PPP2R5D: variants seen among roughly 807,000 people sequenced by gnomAD.
PPP2R5D encodes protein phosphatase 2 regulatory subunit B'delta.
A neutral mutation model predicts 79.1 loss-of-function variants in PPP2R5D; 12 were observed. That is an observed-to-expected ratio of 0.15 (90% CI 0.10 to 0.25). The LOEUF is 0.25. Among genes scored for constraint, PPP2R5D ranks in the 10% least tolerant of loss-of-function variants. The probability of loss-of-function intolerance (pLI) is 1.00; values close to 1 mark genes in which losing one functional copy is unlikely to be tolerated. For missense variants in PPP2R5D, 419 were observed against 760.2 expected (o/e 0.55, Z 5.28); for synonymous variants, 277 against 286.6 (o/e 0.97, Z 0.34).
rs1204353359 is a variant in PPP2R5D, at chr6:43,011,679, A to C, written c.*393A>C. 2 of 220,734 alleles carry C rather than the reference A, an allele frequency of 9.1e-6. No homozygotes were observed. Among genetic ancestry groups the C allele is most frequent in the East Asian group, 2.4e-4 (2 of 8,260 alleles). The allele number at this position is 220,734 out of a possible 1,614,324, so 13.7% of individuals were successfully genotyped here. On this transcript the variant is annotated 3_prime_UTR_variant, in exon 16 of 16. Coordinates refer to ENST00000485511, the MANE Select transcript of PPP2R5D (RefSeq NM_006245.4). ...ATCTCCCCTCCTCTCTCTCCCCTGC[A>C]GAGGCATGTAGGGAACAGCAGGAGA...
intron 2 of PPP2R5D, among the ~76,000 whole-genome samples, chr6:43,002,109 C>CAGTCTGG (rs1486392147): frequency 1.3e-5 from 2 of 151,710 alleles, no homozygotes; most frequent in African/African-American, 4.8e-5. Flanking sequence ...CCCAGGCAGG[C>CAGTCTGG]AGTCTGGCCC....
chr6:43,011,883 G>A lies in PPP2R5D; in HGVS notation c.*597G>A, dbSNP rs1762366898. On this transcript the variant is annotated 3_prime_UTR_variant, in exon 16 of 16. Transcript: ENST00000485511. The stretch of plus-strand genomic sequence containing the variant: ...GGTCAAAAGGAGAAAAGTATAGGCT[G>A]TGGACAATAACTGATGAATATAGGG... 6.3e-6 allele frequency: 1 copy of A among 157,770 alleles called. No homozygotes were observed. The highest frequency in any genetic ancestry group is 2.4e-5 in the African/African-American group (1 of 41,496). The allele number at this position is 157,770 out of a possible 1,614,324, so 9.8% of individuals were successfully genotyped here. A position where few individuals can be genotyped will look rare whatever the true frequency, so the allele number is the denominator to read the frequency against.
In PPP2R5D at chr6:43,008,442, C is replaced by T; in HGVS notation, c.993C>T (p.His331=). ...TCATCCGTGTCCTACTTCCCCTTCA[C>T]AAGGTCAAGTCCCTGAGTGTCTACC... ...MFLIRVLLPL[H]KVKSLSVYHP... The change falls in exon 9 of 16, where the codon CAC becomes CAT. Residue 331 remains histidine (H), a synonymous_variant. Transcript: ENST00000485511. The surrounding 1 kb of genome is among the most constrained non-coding windows in gnomAD (Gnocchi z 4.2). 6.2e-6 allele frequency: 10 copies of T among 1,613,898 alleles called. No individual in the cohort carries two copies. The highest frequency in any genetic ancestry group is 8.5e-6 in the Non-Finnish European group (10 of 1,179,768).
At position 43,006,863 on chromosome 6, in the gene PPP2R5D, C is replaced by G; in HGVS notation, c.323-48C>G. The G allele has an allele frequency of 6.2e-7, 1 of 1,603,794 alleles. No homozygotes were observed. ...AAGCCCTTGAAGGCAAGCAGGGCAT[C>G]GCAGTGAAGGACTACAGAGGAGAAC... On this transcript the variant is annotated intron_variant, in intron 3 of 15. Transcript: ENST00000485511. The surrounding 1 kb of genome is among the most constrained non-coding windows in gnomAD (Gnocchi z 4.7).
chr6:42,996,065 C>G, intron 2 of PPP2R5D, among the ~76,000 whole-genome samples: 1 of 140,072 alleles, frequency 7.1e-6, no homozygotes, highest in Non-Finnish European at 1.5e-5. Context: ...AGGATGGTCT[C>G]GATCACTTGA....
chr6:42,989,286 A>G (rs1296235028), intron 1 of PPP2R5D, among the ~76,000 whole-genome samples: 1 of 152,044 alleles, frequency 6.6e-6, no homozygotes, highest in Non-Finnish European at 1.5e-5. Flanking sequence ...CTTTTTCTTT[A>G]AGCCTCCTCA....
At position 43,010,464 on chromosome 6, in the gene PPP2R5D, G is replaced by A; in HGVS notation, c.1380-4G>A. On this transcript the variant is annotated splice_polypyrimidine_tract_variant and splice_region_variant and intron_variant, in intron 12 of 15. Coordinates refer to ENST00000485511, the MANE Select transcript of PPP2R5D (RefSeq NM_006245.4). The surrounding 1 kb of genome is among the most constrained non-coding windows in gnomAD (Gnocchi z 4.7). ...CTACACCTCATCTTTCTTCTTGGTG[G>A]CAGGACAATCCATGGACTGATCTAT... 6.2e-7 allele frequency: 1 copy of A among 1,613,756 alleles called. No individual in the cohort carries two copies. The highest frequency in any genetic ancestry group is 8.5e-7 in the Non-Finnish European group (1 of 1,179,708).
At position 43,011,010 on chromosome 6, in the gene PPP2R5D, T is replaced by C. The variant is rs1406029827; in HGVS notation, c.1671+13T>C. ...TGAGGCTGTTCAGGTGGGAGGGCAA[T>C]GTAGGGGGATGGAGCAGAAATAATA... is the stretch of plus-strand genomic sequence containing the variant. On this transcript the variant is annotated intron_variant, in intron 15 of 15. Transcript: ENST00000485511. 3.1e-6 allele frequency: 5 copies of C among 1,610,718 alleles called. No homozygotes were observed. The highest frequency in any genetic ancestry group is 1.1e-5 in the South Asian group (1 of 91,012).
At chr6:42,986,177 C>G (rs1371164531) in intron 1 of PPP2R5D, among the ~76,000 whole-genome samples, 1 of 152,132 alleles carries the variant, frequency 6.6e-6, no homozygotes, top group Non-Finnish European at 1.5e-5. Context: ...CCTCTGTTTC[C>G]TGCTGTTGCT....
chr6:43,009,269 T>C lies in PPP2R5D; in HGVS notation c.1251+42T>C. ...GCATATCCTAGCCCCTGCCAGAAAC[T>C]GAGGTCTTGAGTGAAATGAGCAGCA... On this transcript the variant is annotated intron_variant, in intron 11 of 15. Coordinates refer to ENST00000485511, the MANE Select transcript of PPP2R5D (RefSeq NM_006245.4). This position sits in a 1 kb window ranked among gnomAD's most constrained non-coding sequence, Gnocchi z 5.6. The C allele has an allele frequency of 6.2e-7, 1 of 1,613,838 alleles. No individual in the cohort carries two copies. The highest frequency in any genetic ancestry group is 1.1e-5 in the South Asian group (1 of 91,066).
intron 1 of PPP2R5D, among the ~76,000 whole-genome samples, chr6:42,986,353 G>T (rs1470389495): frequency 6.6e-6 from 1 of 152,086 alleles, no homozygotes; most frequent in Non-Finnish European, 1.5e-5. Context: ...GACCCCAGAG[G>T]TATATTGCTT....
At chr6:43,000,349 C>T (rs1422161807) in intron 2 of PPP2R5D, among the ~76,000 whole-genome samples, 3 of 149,636 alleles carry the variant, frequency 2.0e-5, no homozygotes, top group Non-Finnish European at 3.0e-5. Flanking sequence ...GCAATTCTCC[C>T]ATCTCAGCCT....
chr6:43,010,756 G>A lies in PPP2R5D; in HGVS notation c.1554+20G>A, dbSNP rs376586494. 4.3e-6 allele frequency: 7 copies of A among 1,613,436 alleles called. No homozygotes were observed. The highest frequency in any genetic ancestry group is 3.3e-4 in the Middle Eastern group (2 of 6,084). ...CCCCAGGTGAGGTTTTCCTGCCACT[G>A]TTGTGAACTGAGGGGCCAGCCCATC... On this transcript the variant is annotated intron_variant, in intron 14 of 15. Coordinates refer to ENST00000485511, the MANE Select transcript of PPP2R5D (RefSeq NM_006245.4). The surrounding 1 kb of genome is among the most constrained non-coding windows in gnomAD (Gnocchi z 4.7).
chr6:42,989,550 C>T (rs1193803808), intron 1 of PPP2R5D, 61 bp from the exon 2 acceptor site: 2 of 1,350,088 alleles, frequency 1.5e-6, no homozygotes, highest in Non-Finnish European at 2.1e-6. Flanking sequence ...CTAAGGGAGC[C>T]AGATAAGACC....
Position 43,011,418 on chromosome 6 carries a change from G to A in PPP2R5D, c.*132G>A. On this transcript the variant is annotated 3_prime_UTR_variant, in exon 16 of 16. Transcript: ENST00000485511. ...CTCTAGCTACTCAAGGGAGGGGGATGTGGGCACTTGAAGCAGGGACACCCA... is the reference window on the plus strand; with the variant it reads ...CTCTAGCTACTCAAGGGAGGGGGATATGGGCACTTGAAGCAGGGACACCCA... The A allele has an allele frequency of 1.6e-6, 2 of 1,260,948 alleles. No homozygotes were observed. The highest frequency in any genetic ancestry group is 1.1e-6 in the Non-Finnish European group (1 of 922,404). 78.1% of individuals were successfully genotyped at this position (1,260,948 alleles called of 1,614,324 possible).
chr6:43,008,125 C>CAGGG lies in PPP2R5D; in HGVS notation c.857+64_857+67dup. On this transcript the variant is annotated intron_variant, in intron 7 of 15. Coordinates refer to ENST00000485511, the MANE Select transcript of PPP2R5D (RefSeq NM_006245.4). This position sits in a 1 kb window ranked among gnomAD's most constrained non-coding sequence, Gnocchi z 4.2. ...TTCTGCTACTGAGGTGGGGTGGGAG[C>CAGGG]AGGGAGGTGGGGGGACTGTACAGAA... 1 of 1,613,596 alleles carries CAGGG rather than the reference C, an allele frequency of 6.2e-7. No homozygotes were observed. Among genetic ancestry groups the CAGGG allele is most frequent in the Admixed American group, 1.7e-5 (1 of 59,988 alleles).
intron 2 of PPP2R5D, among the ~76,000 whole-genome samples, chr6:43,003,984 T>C (rs1425862415): frequency 1.3e-4 from 19 of 148,896 alleles, no homozygotes; most frequent in East Asian, 4.0e-4. Flanking sequence ...TCCCAAAGTG[T>C]TGGGATTACA....
chr6:43,006,566 G>A lies in PPP2R5D; in HGVS notation c.209G>A (p.Ser70Asn). 6.2e-7 allele frequency: 1 copy of A among 1,614,110 alleles called. No homozygotes were observed. The highest frequency in any genetic ancestry group is 8.5e-7 in the Non-Finnish European group (1 of 1,180,028). The change falls in exon 3 of 16, where the codon AGC becomes AAC. Residue 70 changes from serine (S) to asparagine (N), a missense_variant. Ser to Asn is a conservative substitution (Grantham distance 46, BLOSUM62 1). Transcript: ENST00000485511. The surrounding 1 kb of genome is among the most constrained non-coding windows in gnomAD (Gnocchi z 4.7). Reference sequence around the variant, plus strand: ...AGCACGCCGCCCCCCACGCAGCTCAGCAAAATCAAGTACTCAGGGGGGCCC... The same window carrying A: ...AGCACGCCGCCCCCCACGCAGCTCAACAAAATCAAGTACTCAGGGGGGCCC... Reference protein sequence around the residue: ...SNSTPPPTQLSKIKYSGGPQI... With the variant: ...SNSTPPPTQLNKIKYSGGPQI...
At chr6:42,997,540 G>A (rs1050525770) in intron 2 of PPP2R5D, among the ~76,000 whole-genome samples, 2 of 149,806 alleles carry the variant, frequency 1.3e-5, no homozygotes, top group East Asian at 2.0e-4. Flanking sequence ...ATGGAGTTTC[G>A]CTCTTGTTGC....
Sources: gnomAD v4.1 joint callset for allele counts (sites outside exome capture counted in the v4.1 genomes callset) on GRCh38, gnomAD v4.1.1 for gene constraint, Gnocchi (gnomAD v3.1) non-coding constraint, MANE v1.5 for transcripts, NCBI Gene and HGNC (gene_info 2026-07-23, HGNC 2026-07-21) for gene names.